The following STX8 variants were observed in gnomAD, a reference collection of about 807,000 sequenced individuals.
The protein encoded by STX8 is syntaxin 8, also known as syntaxin-8.
A neutral mutation model predicts 37.5 loss-of-function variants in STX8; 23 were observed. The observed-to-expected ratio is 0.61, with a 90% CI of 0.44 to 0.87. The LOEUF (loss-of-function observed/expected upper bound fraction) is 0.87, where lower values mean the gene tolerates loss of function less well. Among genes scored for constraint, STX8 ranks in the 40% least tolerant of loss-of-function variants. The probability of loss-of-function intolerance (pLI) is 0.00; values close to 1 mark genes in which losing one functional copy is unlikely to be tolerated. For missense variants in STX8, 313 were observed against 284.7 expected (o/e 1.10, Z -0.71); for synonymous variants, 115 against 99.1 (o/e 1.16, Z -0.95).
At chr17:9,559,760 A>ATATATATATATTTTTTTTTTTT in intron 2 of STX8, among the ~76,000 whole-genome samples, 1 of 24,496 alleles carries the variant, frequency 4.1e-5, no homozygotes, top group African/African-American at 1.9e-4. Flanking sequence ...ATATATATAT[A>ATATATATATATTTTTTTTTTTT]TTTTTTTTTT....
intron 6 of STX8, among the ~76,000 whole-genome samples, chr17:9,416,350 G>A (rs9905213): frequency 6.6e-6 from 1 of 151,834 alleles, no homozygotes; most frequent in South Asian, 2.1e-4. Context: ...AATTAACTAT[G>A]GGAGGAATTT....
At chr17:9,365,698 G>A (rs1459643921) in intron 7 of STX8, among the ~76,000 whole-genome samples, 3 of 152,280 alleles carry the variant, frequency 2.0e-5, no homozygotes, top group Non-Finnish European at 2.9e-5. Flanking sequence ...GGGGGGCCAC[G>A]TGAGGTGGCT....
chr17:9,568,508 TC>T, intron 1 of STX8, 38 bp from the exon 2 acceptor site: 2 of 1,558,472 alleles, frequency 1.3e-6, no homozygotes, highest in East Asian at 4.5e-5. Context: ...TGTTTAAGGT[TC>T]TTTTTTTTTG....
At chr17:9,350,644 T>C (rs1910677486) in intron 7 of STX8, among the ~76,000 whole-genome samples, 1 of 152,042 alleles carries the variant, frequency 6.6e-6, no homozygotes, top group Non-Finnish European at 1.5e-5. Context: ...GTGATTCTCC[T>C]GCCTCATCCT....
chr17:9,460,251 C>T (rs1226301397), intron 6 of STX8, among the ~76,000 whole-genome samples: 1 of 152,138 alleles, frequency 6.6e-6, no homozygotes, highest in African/African-American at 2.4e-5. Context: ...GCAACTGTTC[C>T]CTCACTCCAC....
intron 6 of STX8, among the ~76,000 whole-genome samples, chr17:9,422,461 C>T (rs756060523): frequency 1.3e-5 from 2 of 152,222 alleles, no homozygotes; most frequent in Admixed American, 6.5e-5. Context: ...ATACACCCCT[C>T]TCCCTAGTTC....
At chr17:9,492,367 G>A (rs1288792936) in intron 5 of STX8, among the ~76,000 whole-genome samples, 2 of 152,072 alleles carry the variant, frequency 1.3e-5, no homozygotes, top group Non-Finnish European at 2.9e-5. Context: ...AGATGTATAA[G>A]GATTAAAAAG....
At chr17:9,294,784 T>C (rs1489781591) in intron 7 of STX8, among the ~76,000 whole-genome samples, 1 of 152,096 alleles carries the variant, frequency 6.6e-6, no homozygotes, top group Non-Finnish European at 1.5e-5. Context: ...ACTTTGAAAA[T>C]GTAATGAAAA....
chr17:9,545,866 G>A (rs910484032), intron 3 of STX8, among the ~76,000 whole-genome samples: 5 of 152,190 alleles, frequency 3.3e-5, no homozygotes, highest in Non-Finnish European at 5.9e-5. Flanking sequence ...CAAGGCGTGA[G>A]TCACCACGCC....
intron 6 of STX8, among the ~76,000 whole-genome samples, chr17:9,455,498 T>G (rs1449811196): frequency 6.6e-6 from 1 of 152,008 alleles, no homozygotes; most frequent in Non-Finnish European, 1.5e-5. Flanking sequence ...AGACTCTGTC[T>G]CAAAAATCAA....
At chr17:9,439,179 C>T (rs900158257) in intron 6 of STX8, among the ~76,000 whole-genome samples, 5 of 152,162 alleles carry the variant, frequency 3.3e-5, no homozygotes, top group Admixed American at 2.0e-4. Flanking sequence ...TGGCACTTCA[C>T]ATGATATCAT....
chr17:9,441,741 T>C (rs1904666330), intron 6 of STX8, among the ~76,000 whole-genome samples: 1 of 143,122 alleles, frequency 7.0e-6, no homozygotes, highest in Non-Finnish European at 1.5e-5. Flanking sequence ...AGTGGCGCGA[T>C]CTCAGCTCAC....
At chr17:9,530,481 T>G (rs551494570) in intron 4 of STX8, among the ~76,000 whole-genome samples, 1 of 152,230 alleles carries the variant, frequency 6.6e-6, no homozygotes, top group Non-Finnish European at 1.5e-5. Context: ...CTCCACATCC[T>G]AGCAACACTT....
At chr17:9,484,030 C>G (rs1218623720) in intron 6 of STX8, among the ~76,000 whole-genome samples, 1 of 152,186 alleles carries the variant, frequency 6.6e-6, no homozygotes, top group Non-Finnish European at 1.5e-5. Context: ...ACAAAATGCT[C>G]TCATTCAATT....
chr17:9,338,319 G>A (rs761428927), intron 7 of STX8, among the ~76,000 whole-genome samples: 1 of 152,074 alleles, frequency 6.6e-6, no homozygotes, highest in Non-Finnish European at 1.5e-5. Context: ...CTCCCAAAGT[G>A]CTGGGATTAC....
intron 6 of STX8, among the ~76,000 whole-genome samples, chr17:9,380,132 C>T (rs1306699714): frequency 6.6e-6 from 1 of 151,858 alleles, no homozygotes; most frequent in Non-Finnish European, 1.5e-5. Flanking sequence ...ATTTACAAAC[C>T]TATAGGGGTA....
intron 6 of STX8, among the ~76,000 whole-genome samples, chr17:9,417,144 C>T (rs1270269928): frequency 1.3e-5 from 2 of 152,142 alleles, no homozygotes; most frequent in Non-Finnish European, 2.9e-5. Context: ...TTCTGGGAAG[C>T]TGATTTGAGT....
intron 2 of STX8, among the ~76,000 whole-genome samples, chr17:9,562,365 C>A (rs113760807): frequency 0.023 from 3,407 of 151,316 alleles, 57 homozygotes; most frequent in Middle Eastern, 0.037. Context: ...GAGATCGCGC[C>A]ACCGCACTCC....
intron 7 of STX8, among the ~76,000 whole-genome samples, chr17:9,358,132 C>T (rs1027641970): frequency 4.6e-5 from 7 of 152,098 alleles, no homozygotes; most frequent in African/African-American, 1.7e-4. Context: ...CAAGGTAGAT[C>T]GTTTGAAACC....
Sources: allele counts gnomAD v4.1 joint callset (sites outside exome capture counted in the v4.1 genomes callset), GRCh38; gene constraint gnomAD v4.1.1; transcripts MANE v1.5; gene names NCBI Gene and HGNC (gene_info 2026-07-23, HGNC 2026-07-21).